HPSE2: variants seen among roughly 807,000 people sequenced by gnomAD.
HPSE2 encodes heparanase 2 (inactive).
In HPSE2, 38 loss-of-function variants were observed where a neutral mutation model predicts 60.5. The observed-to-expected ratio is 0.63, with a 90% confidence interval of 0.48 to 0.82. The LOEUF (loss-of-function observed/expected upper bound fraction) is 0.82. Among genes scored for constraint, HPSE2 ranks in the 40% least tolerant of loss-of-function variants. The pLI, the probability that HPSE2 is intolerant of heterozygous loss-of-function variation, is 0.00. For synonymous variants in HPSE2, 295 were observed against 293.2 expected (o/e 1.01, Z -0.06); for missense variants, 713 against 740.4 (o/e 0.96, Z 0.43).
At chr10:99,078,655 T>C (rs1276369972) in intron 3 of HPSE2, among the ~76,000 whole-genome samples, 1 of 152,204 alleles carries the variant, frequency 6.6e-6, no homozygotes, top group Non-Finnish European at 1.5e-5. Flanking sequence ...CCCACAGATA[T>C]GGAGGGCCAA....
In HPSE2 at chr10:98,923,490, T is replaced by C. The variant is rs541768031; in HGVS notation, c.611-179434A>G. Reference sequence around the variant, plus strand: ...CCTTTGAATAAACTTTCTATCCCTATCTCTTTCTCTACCTCCTCTTTAAAG... The same window carrying C: ...CCTTTGAATAAACTTTCTATCCCTACCTCTTTCTCTACCTCCTCTTTAAAG... On this transcript the variant is annotated intron_variant, in intron 3 of 11. Transcript: ENST00000370552. Among the ~76,000 whole-genome samples, 10 of 152,300 alleles carry C rather than the reference T, an allele frequency of 6.6e-5. No individual in the cohort carries two copies. In the South Asian group the frequency reaches 2.1e-3, roughly 32 times the overall value.
chr10:98,866,886 TC>T (rs1432295344), intron 3 of HPSE2, among the ~76,000 whole-genome samples: 1 of 152,162 alleles, frequency 6.6e-6, no homozygotes, highest in Non-Finnish European at 1.5e-5. Context: ...TTAAAGATTG[TC>T]CTTAAGGCAG....
At chr10:98,707,626 C>T (rs1231341851) in intron 5 of HPSE2, among the ~76,000 whole-genome samples, 8 of 152,096 alleles carry the variant, frequency 5.3e-5, no homozygotes, top group Non-Finnish European at 1.2e-4. Flanking sequence ...CAAAGAAAAT[C>T]CATAATATCT....
intron 5 of HPSE2, among the ~76,000 whole-genome samples, chr10:98,717,321 C>T (rs1412781401): frequency 6.6e-6 from 1 of 152,104 alleles, no homozygotes; most frequent in Non-Finnish European, 1.5e-5. Flanking sequence ...TCTTATCATT[C>T]TTGTGTTCAC....
chr10:98,862,151 T>C (rs563939583), intron 3 of HPSE2, among the ~76,000 whole-genome samples: 2 of 152,292 alleles, frequency 1.3e-5, no homozygotes, highest in Admixed American at 6.5e-5. Context: ...CGGAGATAGG[T>C]TGAGCCCATC....
chr10:98,695,064 T>C (rs570277022), intron 5 of HPSE2, among the ~76,000 whole-genome samples: 1 of 152,328 alleles, frequency 6.6e-6, no homozygotes, highest in East Asian at 1.9e-4. Context: ...GGTTGCTGTG[T>C]ATTGCCTAAA....
chr10:98,531,835 T>C (rs1397582556), intron 9 of HPSE2, among the ~76,000 whole-genome samples: 1 of 152,140 alleles, frequency 6.6e-6, no homozygotes, highest in African/African-American at 2.4e-5. Context: ...TGTGTGACCC[T>C]TAGCAAGTTA....
intron 3 of HPSE2, among the ~76,000 whole-genome samples, chr10:98,987,829 A>G (rs535116677): frequency 1.1e-3 from 173 of 152,166 alleles, no homozygotes; most frequent in Middle Eastern, 0.01. Context: ...CAAAAATCAC[A>G]AGCATTCTTA....
chr10:98,560,030 G>A (rs921667064), intron 9 of HPSE2, among the ~76,000 whole-genome samples: 3 of 152,176 alleles, frequency 2.0e-5, no homozygotes, highest in African/African-American at 4.8e-5. Flanking sequence ...ACCATGGAGA[G>A]TCATGGAGGC....
chr10:98,623,710 CTCTAAGT>C (rs1196105640), intron 7 of HPSE2, among the ~76,000 whole-genome samples: 1 of 152,084 alleles, frequency 6.6e-6, no homozygotes, highest in Non-Finnish European at 1.5e-5. Flanking sequence ...AGTAGATGAA[CTCTAAGT>C]TCTTTTTAAA....
At chr10:99,290,443 AGGG>A in the HPSE2 span, among the ~76,000 whole-genome samples, 1 of 152,206 alleles carries the variant, frequency 6.6e-6, no homozygotes, top group African/African-American at 2.4e-5. Context: ...AGGAGGGCAA[AGGG>A]TGCCACTGAG....
intron 3 of HPSE2, among the ~76,000 whole-genome samples, chr10:98,798,530 A>C (rs1428109374): frequency 6.6e-6 from 1 of 152,244 alleles, no homozygotes; most frequent in Non-Finnish European, 1.5e-5. Context: ...TTTTCAAGAC[A>C]TAGGCAGTAC....
intron 6 of HPSE2, among the ~76,000 whole-genome samples, chr10:98,643,400 A>T (rs780289636): frequency 1.3e-5 from 2 of 152,170 alleles, no homozygotes; most frequent in Non-Finnish European, 2.9e-5. Flanking sequence ...ACAATAGGAG[A>T]CTGATTAATT....
At chr10:98,875,672 A>T (rs900632505) in intron 3 of HPSE2, among the ~76,000 whole-genome samples, 1 of 152,038 alleles carries the variant, frequency 6.6e-6, no homozygotes, top group Non-Finnish European at 1.5e-5. Context: ...TCCCTAACTC[A>T]TTTTATGAAG....
Position 98,489,921 on chromosome 10 carries a change from G to C in HPSE2, c.1466+130C>G, listed in dbSNP as rs1057268077. The C allele has an allele frequency of 4.2e-6, 4 of 950,960 alleles. No individual in the cohort carries two copies. The Admixed American group carries it at 6.8e-5, about 16-fold the overall frequency. 58.9% of individuals were successfully genotyped at this position (950,960 alleles called of 1,614,324 possible). A position where few individuals can be genotyped will look rare whatever the true frequency, so the allele number is the denominator to read the frequency against. On this transcript the variant is annotated intron_variant, in intron 10 of 11. Transcript: ENST00000370552. ...AATTATTTGAAACCTCCAAAGAGCA[G>C]GTATGGTGATTCCAGAGGCAAAAAG...
At chr10:98,730,062 A>G (rs1949190069) in intron 4 of HPSE2, among the ~76,000 whole-genome samples, 1 of 147,428 alleles carries the variant, frequency 6.8e-6, no homozygotes, top group Non-Finnish European at 1.5e-5. Context: ...TCTAGTACAT[A>G]GAGAAAACAT....
chr10:98,469,546 C>A (rs1401754283), intron 11 of HPSE2, among the ~76,000 whole-genome samples: 1 of 152,172 alleles, frequency 6.6e-6, no homozygotes, highest in Non-Finnish European at 1.5e-5. Flanking sequence ...TAAGAAAACA[C>A]TGAAATATGC....
the HPSE2 span, among the ~76,000 whole-genome samples, chr10:99,299,361 C>G: frequency 6.6e-6 from 1 of 152,174 alleles, no homozygotes; most frequent in Non-Finnish European, 1.5e-5. Context: ...GACGGAGAAA[C>G]AATCAGAGAA....
At chr10:99,278,347 T>C in the HPSE2 span, among the ~76,000 whole-genome samples, 5 of 152,148 alleles carry the variant, frequency 3.3e-5, no homozygotes, top group African/African-American at 7.2e-5. Context: ...TTTTAAAAAA[T>C]AAAATTTGAC....
Sources: allele counts gnomAD v4.1 joint callset (sites outside exome capture counted in the v4.1 genomes callset), GRCh38; gene constraint gnomAD v4.1.1; transcripts MANE v1.5; gene names NCBI Gene and HGNC (gene_info 2026-07-23, HGNC 2026-07-21).